PDE10A: variants seen among roughly 807,000 people sequenced by gnomAD.
PDE10A encodes cAMP and cAMP-inhibited cGMP 3',5'-cyclic phosphodiesterase 10A.
PDE10A carries 39 observed loss-of-function variants against 97.7 expected under a neutral mutation model. That is an observed-to-expected ratio of 0.40 (90% CI 0.31 to 0.52). The LOEUF (loss-of-function observed/expected upper bound fraction) is 0.52, where lower values mean the gene tolerates loss of function less well. Ranked by LOEUF, PDE10A falls within the 20% of genes least tolerant of loss-of-function variation. The pLI, the probability that PDE10A is intolerant of heterozygous loss-of-function variation, is 0.56. For missense variants in PDE10A, 731 were observed against 1,047.8 expected (o/e 0.70, Z 4.17); for synonymous variants, 371 against 376.8 (o/e 0.98, Z 0.18).
intron 1 of PDE10A, among the ~76,000 whole-genome samples, chr6:165,549,622 C>G (rs896015934): frequency 2.6e-5 from 4 of 152,192 alleles, no homozygotes; most frequent in Non-Finnish European, 5.9e-5. Flanking sequence ...CCATGCGCGG[C>G]TGCATTATTA....
intron 1 of PDE10A, among the ~76,000 whole-genome samples, chr6:165,870,057 G>C (rs1483856453): frequency 6.6e-6 from 1 of 152,096 alleles, no homozygotes; most frequent in African/African-American, 2.4e-5. Flanking sequence ...TTATGACAAA[G>C]ACTTCAAAAC....
intron 1 of PDE10A, among the ~76,000 whole-genome samples, chr6:165,610,516 G>A (rs1402476632): frequency 2.0e-5 from 3 of 146,552 alleles, no homozygotes; most frequent in African/African-American, 7.7e-5. Context: ...GGGTGACAGA[G>A]CGAGACTCCG....
At chr6:165,491,691 C>A (rs992501165) in intron 2 of PDE10A, among the ~76,000 whole-genome samples, 2 of 151,910 alleles carry the variant, frequency 1.3e-5, no homozygotes, top group African/African-American at 4.8e-5. Flanking sequence ...CTATCAAAAC[C>A]TCTAGGATAC....
chr6:165,404,279 G>A (rs955553545), intron 13 of PDE10A, among the ~76,000 whole-genome samples: 1 of 152,052 alleles, frequency 6.6e-6, no homozygotes, highest in Non-Finnish European at 1.5e-5. Flanking sequence ...CAGACCCATC[G>A]CAGGGTGTGG....
At chr6:165,501,168 G>C (rs1351477785) in intron 2 of PDE10A, among the ~76,000 whole-genome samples, 1 of 152,158 alleles carries the variant, frequency 6.6e-6, no homozygotes, top group Non-Finnish European at 1.5e-5. Context: ...CTTTGTGCCT[G>C]TGTCTCTTTC....
chr6:165,569,919 C>T (rs1784970167), intron 1 of PDE10A, among the ~76,000 whole-genome samples: 1 of 152,144 alleles, frequency 6.6e-6, no homozygotes, highest in South Asian at 2.1e-4. Context: ...GAAAAACTTT[C>T]CAATGTAAAC....
chr6:165,633,633 T>C (rs1788735915), intron 1 of PDE10A, among the ~76,000 whole-genome samples: 2 of 152,172 alleles, frequency 1.3e-5, no homozygotes. Context: ...TATTTCATTT[T>C]ATTATGTTTT....
intron 1 of PDE10A, among the ~76,000 whole-genome samples, chr6:165,852,963 A>C (rs1337916666): frequency 6.6e-6 from 1 of 152,204 alleles, no homozygotes; most frequent in African/African-American, 2.4e-5. Flanking sequence ...TGACTTCATC[A>C]AATACCTGCT....
chr6:165,542,020 T>G (rs1783469267), intron 2 of PDE10A, among the ~76,000 whole-genome samples: 2 of 152,170 alleles, frequency 1.3e-5, no homozygotes, highest in Admixed American at 6.5e-5. Flanking sequence ...TTAATAACAA[T>G]TATACATTTT....
At chr6:165,413,400 G>T in intron 13 of PDE10A, 101 bp downstream of exon 13, 2 of 669,374 alleles carry the variant, frequency 3.0e-6, no homozygotes. Flanking sequence ...GTTTGTAAAG[G>T]AAATATAAAT....
chr6:165,629,523 T>C lies in PDE10A; in HGVS notation c.865+32424A>G, dbSNP rs1359386549. Among the ~76,000 whole-genome samples, 31 of 65,684 alleles carry C rather than the reference T, an allele frequency of 4.7e-4. 1 individual carries two copies. The highest frequency in any genetic ancestry group is 2.8e-3 in the African/African-American group (29 of 10,358). 43.1% of individuals were successfully genotyped at this position (65,684 alleles called of 152,430 possible). A position where few individuals can be genotyped will look rare whatever the true frequency, so the allele number is the denominator to read the frequency against. On this transcript the variant is annotated intron_variant, in intron 1 of 21. Transcript: ENST00000539869. ...GAGAATGAAGGAATATTAACAACCTTTTTTTTTTTTTTTTTTTTTTAAAAC... is the reference window on the plus strand; with the variant it reads ...GAGAATGAAGGAATATTAACAACCTCTTTTTTTTTTTTTTTTTTTTAAAAC...
At chr6:165,360,023 T>TG (rs1783295217) in intron 18 of PDE10A, among the ~76,000 whole-genome samples, 1 of 152,192 alleles carries the variant, frequency 6.6e-6, no homozygotes, top group Non-Finnish European at 1.5e-5. Flanking sequence ...CCCAATCCTG[T>TG]GGAAGTTTGA....
At chr6:165,573,276 GT>G (rs11288936) in intron 1 of PDE10A, among the ~76,000 whole-genome samples, 135,696 of 142,660 alleles carry the variant, frequency 0.95, 64,573 homozygotes, top group East Asian at 0.99. Flanking sequence ...TGATGTCTGG[GT>G]TTTTTTTTTT....
chr6:165,554,667 T>C (rs1044894461), intron 1 of PDE10A, among the ~76,000 whole-genome samples: 18 of 152,282 alleles, frequency 1.2e-4, no homozygotes, highest in Middle Eastern at 3.4e-3. Flanking sequence ...GCTGGGTATA[T>C]ACCCAAAAGA....
intron 1 of PDE10A, chr6:165,940,854 A>G (rs1783494616): frequency 1.3e-5 from 2 of 152,268 alleles, no homozygotes; most frequent in African/African-American, 4.8e-5. Context: ...GAAATGCAGA[A>G]ATAAAGGTAA....
At chr6:165,424,846 T>C (rs192894119) in intron 10 of PDE10A, among the ~76,000 whole-genome samples, 9 of 152,258 alleles carry the variant, frequency 5.9e-5, no homozygotes, top group African/African-American at 1.7e-4. Context: ...CTTATAAAAA[T>C]TTGATAATAC....
intron 1 of PDE10A, chr6:165,894,143 G>C (rs1165157113): frequency 2.8e-6 from 1 of 363,188 alleles, no homozygotes; most frequent in Non-Finnish European, 5.5e-6. Context: ...GCTTGACTGG[G>C]TGTTTGTTCA....
intron 1 of PDE10A, among the ~76,000 whole-genome samples, chr6:165,728,067 C>A (rs1792342849): frequency 6.6e-6 from 1 of 152,190 alleles, no homozygotes; most frequent in South Asian, 2.1e-4. Context: ...CCACCCCCAA[C>A]ATACACACCC....
intron 1 of PDE10A, among the ~76,000 whole-genome samples, chr6:165,898,873 G>T (rs957582187): frequency 6.6e-6 from 1 of 152,148 alleles, no homozygotes; most frequent in African/African-American, 2.4e-5. Flanking sequence ...GCAGCCTCAG[G>T]GTCTCTGCAT....
Sources: gnomAD v4.1 joint callset for allele counts (sites outside exome capture counted in the v4.1 genomes callset) on GRCh38, gnomAD v4.1.1 for gene constraint, MANE v1.5 for transcripts, NCBI Gene and HGNC (gene_info 2026-07-23, HGNC 2026-07-21) for gene names.